Variants in ZC3H12D observed in about 807,000 individuals in gnomAD.
The protein encoded by ZC3H12D is probable ribonuclease ZC3H12D.
In ZC3H12D, 11 loss-of-function variants were observed where a neutral mutation model predicts 24.2. The observed-to-expected ratio is 0.46, with a 90% CI of 0.29 to 0.75. The LOEUF (loss-of-function observed/expected upper bound fraction) is 0.75, where lower values mean the gene tolerates loss of function less well. Ranked by LOEUF, ZC3H12D falls within the 30% of genes least tolerant of loss-of-function variation. The pLI is 0.11. For synonymous variants in ZC3H12D, 333 were observed against 341.8 expected (o/e 0.97, Z 0.28); for missense variants, 740 against 767.7 (o/e 0.96, Z 0.43).
intron 1 of ZC3H12D, among the ~76,000 whole-genome samples, chr6:149,475,642 G>A (rs1381548676): frequency 6.6e-6 from 1 of 152,116 alleles, no homozygotes; most frequent in African/African-American, 2.4e-5. Context: ...CTTGAACCTG[G>A]GAAGCGGAGT....
chr6:149,468,790 G>T (rs1199030871), intron 2 of ZC3H12D, among the ~76,000 whole-genome samples: 1 of 152,102 alleles, frequency 6.6e-6, no homozygotes, highest in Non-Finnish European at 1.5e-5. Context: ...CTGACCCCCA[G>T]CCCGGTCATA....
At position 149,452,275 on chromosome 6, in the gene ZC3H12D, G is replaced by C. The variant is rs368242486; in HGVS notation, c.787+341C>G. On this transcript the variant is annotated intron_variant, in intron 5 of 5. Transcript: ENST00000409806. This position sits in a 1 kb window ranked among gnomAD's most constrained non-coding sequence, Gnocchi z 4.0. ...GGGTGGAGGGGTGGAGAGCAGGGTAGGGTGAGGACAGAAGCTGCCAGGGGC... is the reference window on the plus strand; with the variant it reads ...GGGTGGAGGGGTGGAGAGCAGGGTACGGTGAGGACAGAAGCTGCCAGGGGC... 13 of 253,978 alleles carry C rather than the reference G, an allele frequency of 5.1e-5. No homozygotes were observed. Among genetic ancestry groups the C allele is most frequent in the African/African-American group, 2.9e-4 (13 of 44,928 alleles). 15.7% of individuals were successfully genotyped at this position (253,978 alleles called of 1,614,324 possible).
chr6:149,458,141 T>C (rs569851307), intron 3 of ZC3H12D, among the ~76,000 whole-genome samples: 59 of 124,936 alleles, frequency 4.7e-4, no homozygotes, highest in African/African-American at 1.8e-3. Flanking sequence ...TTTTTTTTTT[T>C]TTTTTTTTTT....
rs541903717 is a variant in ZC3H12D, at chr6:149,461,996, T to C, written c.306-26A>G. The C allele has an allele frequency of 4.8e-5, 77 of 1,601,956 alleles. 1 individual carries two copies. In the Admixed American group the frequency reaches 9.6e-4, roughly 20 times the overall value. On this transcript the variant is annotated intron_variant, in intron 2 of 5. Coordinates refer to ENST00000409806, the MANE Select transcript of ZC3H12D (RefSeq NM_207360.3). ...CTACAATGGGAAAACAAAGAAATCA[T>C]AGAGACACAGCAAGTGTTCCTAAGA...
At chr6:149,472,485 C>T (rs1348342649) in intron 2 of ZC3H12D, among the ~76,000 whole-genome samples, 3 of 146,706 alleles carry the variant, frequency 2.0e-5, no homozygotes, top group East Asian at 2.0e-4. Context: ...GTAAGGGTTT[C>T]GATGTATAAC....
chr6:149,477,321 G>T (rs1776357531), intron 1 of ZC3H12D, among the ~76,000 whole-genome samples: 1 of 152,178 alleles, frequency 6.6e-6, no homozygotes, highest in African/African-American at 2.4e-5. Context: ...GCGTCCACCT[G>T]CTCACCTCCC....
At chr6:149,470,131 G>A (rs1465127504) in intron 2 of ZC3H12D, among the ~76,000 whole-genome samples, 1 of 152,140 alleles carries the variant, frequency 6.6e-6, no homozygotes, top group Admixed American at 6.5e-5. Flanking sequence ...GGCTGAGGTG[G>A]GTGGATCACT....
intron 2 of ZC3H12D, among the ~76,000 whole-genome samples, chr6:149,469,526 C>T (rs1583190070): frequency 6.6e-6 from 1 of 152,052 alleles, no homozygotes; most frequent in African/African-American, 2.4e-5. Flanking sequence ...CACCATGATG[C>T]CATTTTGAAC....
chr6:149,463,697 A>C (rs786751), intron 2 of ZC3H12D, among the ~76,000 whole-genome samples: 55,354 of 152,108 alleles, frequency 0.36, 10,602 homozygotes, highest in African/African-American at 0.46. Flanking sequence ...CGACATAGCA[A>C]AAATTGACGG....
intron 2 of ZC3H12D, among the ~76,000 whole-genome samples, chr6:149,464,796 G>C (rs896271196): frequency 1.3e-5 from 2 of 152,180 alleles, no homozygotes; most frequent in African/African-American, 4.8e-5. Flanking sequence ...CCAAACACAG[G>C]CATAACTGAC....
At chr6:149,474,845 A>T (rs1479353346) in intron 1 of ZC3H12D, among the ~76,000 whole-genome samples, 1 of 152,052 alleles carries the variant, frequency 6.6e-6, no homozygotes, top group Non-Finnish European at 1.5e-5. Flanking sequence ...CAGGGCACAC[A>T]CCCGACCGCA....
At chr6:149,465,647 C>T (rs1379158691) in intron 2 of ZC3H12D, among the ~76,000 whole-genome samples, 6 of 149,576 alleles carry the variant, frequency 4.0e-5, no homozygotes, top group Admixed American at 1.3e-4. Context: ...TCCAGCTACT[C>T]GGGAGGCTGA....
chr6:149,473,748 C>T (rs1776285387), intron 2 of ZC3H12D, among the ~76,000 whole-genome samples: 1 of 152,150 alleles, frequency 6.6e-6, no homozygotes. Context: ...ATGCTCATAA[C>T]CTTGAGAGAG....
chr6:149,483,894 A>G (rs1423785967), intron 1 of ZC3H12D, among the ~76,000 whole-genome samples: 2 of 152,188 alleles, frequency 1.3e-5, no homozygotes, highest in Non-Finnish European at 2.9e-5. Context: ...CTCTGTATGT[A>G]TACACCACAT....
Position 149,452,757 on chromosome 6 carries a change from C to T in ZC3H12D, c.681-35G>A, listed in dbSNP as rs1489998601. ...AAGCACAGGGGCAACTGCAAGACCA[C>T]CTGGGATTTGCCACCAGCACCTGTA... On this transcript the variant is annotated intron_variant, in intron 4 of 5. Transcript: ENST00000409806. This position sits in a 1 kb window ranked among gnomAD's most constrained non-coding sequence, Gnocchi z 4.0. 3 of 1,543,834 alleles carry T rather than the reference C, an allele frequency of 1.9e-6. No homozygotes were observed. The African/African-American group carries it at 4.1e-5, about 21-fold the overall frequency.
intron 3 of ZC3H12D, 66 bp downstream of exon 3, chr6:149,461,765 C>T (rs1488464787): frequency 7.5e-6 from 11 of 1,463,930 alleles, no homozygotes; most frequent in South Asian, 1.3e-5. Flanking sequence ...ATTTGACTAT[C>T]GATGTTAGAA....
In ZC3H12D at chr6:149,456,655, G is replaced by C. The variant is rs1217316494; in HGVS notation, c.680+11C>G. ...CGCCCCCCAGGGTGTCAGGACCCCA[G>C]CCGGACCTACCGGTCGTTGACGAAG... On this transcript the variant is annotated intron_variant, in intron 4 of 5. Coordinates refer to ENST00000409806, the MANE Select transcript of ZC3H12D (RefSeq NM_207360.3). This position sits in a 1 kb window ranked among gnomAD's most constrained non-coding sequence, Gnocchi z 4.3. 9.1e-7 allele frequency: 1 copy of C among 1,094,884 alleles called. No individual in the cohort carries two copies. The allele number at this position is 1,094,884 out of a possible 1,614,324, so 67.8% of individuals were successfully genotyped here.
intron 2 of ZC3H12D, among the ~76,000 whole-genome samples, chr6:149,465,312 C>A (rs1243292488): frequency 6.6e-6 from 1 of 150,722 alleles, no homozygotes; most frequent in Non-Finnish European, 1.5e-5. Context: ...TGAGATCAAG[C>A]CACTGCACTC....
chr6:149,458,124 G>GTTTTTTTTTTTTTTTTTTTTT (rs1562472740), intron 3 of ZC3H12D, among the ~76,000 whole-genome samples: 3 of 37,604 alleles, frequency 8.0e-5, no homozygotes, highest in African/African-American at 1.9e-4. Context: ...TTTTTTTTTC[G>GTTTTTTTTTTTTTTTTTTTTT]TTTCTTTTTT....
Sources: gnomAD v4.1 joint callset for allele counts (sites outside exome capture counted in the v4.1 genomes callset) on GRCh38, gnomAD v4.1.1 for gene constraint, Gnocchi (gnomAD v3.1) non-coding constraint, MANE v1.5 for transcripts, NCBI Gene and HGNC (gene_info 2026-07-23, HGNC 2026-07-21) for gene names.